Variants in ATP2A3 observed in about 807,000 individuals in gnomAD.
The protein encoded by ATP2A3 is ATPase sarcoplasmic/endoplasmic reticulum Ca2+ transporting 3, also known as sarcoplasmic/endoplasmic reticulum calcium ATPase 3.
A neutral mutation model predicts 106.8 loss-of-function variants in ATP2A3; 61 were observed. The observed-to-expected ratio is 0.57, with a 90% confidence interval of 0.46 to 0.71. The LOEUF is 0.71. Ranked by LOEUF, ATP2A3 falls within the 30% of genes least tolerant of loss-of-function variation. The pLI is 0.00. For synonymous variants in ATP2A3, 611 were observed against 609.3 expected (o/e 1.00, Z -0.04); for missense variants, 1,201 against 1,423.5 (o/e 0.84, Z 2.52).
At chr17:3,938,018 G>T (rs144127295) in intron 14 of ATP2A3, among the ~76,000 whole-genome samples, 35 of 152,276 alleles carry the variant, frequency 2.3e-4, no homozygotes, top group African/African-American at 7.5e-4. Context: ...GGATGGCCCG[G>T]GTAAAGAGCC....
chr17:3,928,334 G>A lies in ATP2A3; in HGVS notation c.2980+329C>T, dbSNP rs374833499. 2.1e-4 allele frequency: 340 copies of A among 1,612,344 alleles called. 5 individuals carry two copies. In the South Asian group the frequency reaches 3.0e-3, roughly 14 times the overall value. On this transcript the variant is annotated intron_variant, in intron 20 of 20. Transcript: ENST00000397041. This position sits in a 1 kb window ranked among gnomAD's most constrained non-coding sequence, Gnocchi z 6.1. Reference sequence around the variant, plus strand: ...AGGCCTGGATAAAGACAGGCTGGGTGCAGAGGGGTCAGAGGCTGAGGCCCA... The same window carrying A: ...AGGCCTGGATAAAGACAGGCTGGGTACAGAGGGGTCAGAGGCTGAGGCCCA...
At chr17:3,939,758 GC>G (rs150857983) in intron 14 of ATP2A3, among the ~76,000 whole-genome samples, 1 of 132,270 alleles carries the variant, frequency 7.6e-6, no homozygotes, top group Admixed American at 8.5e-5. Flanking sequence ...CTGCGCTCCA[GC>G]CCTGGGTGAC....
intron 1 of ATP2A3, among the ~76,000 whole-genome samples, chr17:3,957,958 CCTGG>C (rs2054877268): frequency 6.6e-6 from 1 of 151,376 alleles, no homozygotes; most frequent in African/African-American, 2.4e-5. Flanking sequence ...GTGACCCCTG[CCTGG>C]CTCATGTTGC....
Position 3,936,309 on chromosome 17 carries a change from G to GGGCTTCTCGGGGGCTCCGGGGC in ATP2A3, c.2460_2481dup (p.Leu828AlafsTer39). 1 of 1,614,134 alleles carries GGGCTTCTCGGGGGCTCCGGGGC rather than the reference G, an allele frequency of 6.2e-7. No individual in the cohort carries two copies. Among genetic ancestry groups the GGGCTTCTCGGGGGCTCCGGGGC allele is most frequent in the Non-Finnish European group, 8.5e-7 (1 of 1,180,022 alleles). ...CGGAAGAAGAGCCAGCCACTGATGA[G>GGGCTTCTCGGGGGCTCCGGGGC]GGCTTCTCGGGGGCTCCGGGGCAGC... On this transcript the variant is annotated frameshift_variant, in exon 16 of 21. Coordinates refer to ENST00000397041, the MANE Select transcript of ATP2A3 (RefSeq NM_005173.4). LOFTEE classifies it high-confidence loss of function. The surrounding 1 kb of genome is among the most constrained non-coding windows in gnomAD (Gnocchi z 5.4).
rs1295553606 is a variant in ATP2A3, at chr17:3,924,808, A to T, written c.*614T>A. The T allele has an allele frequency of 2.2e-6, 1 of 456,490 alleles. No homozygotes were observed. Among genetic ancestry groups the T allele is most frequent in the African/African-American group, 2.0e-5 (1 of 50,048 alleles). The allele number at this position is 456,490 out of a possible 1,614,324, so 28.3% of individuals were successfully genotyped here. A position where few individuals can be genotyped will look rare whatever the true frequency, so the allele number is the denominator to read the frequency against. ...CCCTTCACCCGCCCGGGCCCTGCAC[A>T]TATAAACAGAAGCAGCCTCGAGCTC... On this transcript the variant is annotated 3_prime_UTR_variant, in exon 21 of 21. Coordinates refer to ENST00000397041, the MANE Select transcript of ATP2A3 (RefSeq NM_005173.4). This position sits in a 1 kb window ranked among gnomAD's most constrained non-coding sequence, Gnocchi z 6.4.
rs531606034 is a variant in ATP2A3 at position 3,926,284 on chromosome 17, G to A, written c.2981-843C>T. 8.5e-5 allele frequency among the ~76,000 whole-genome samples: 13 copies of A among 152,288 alleles called. No homozygotes were observed. The South Asian group carries it at 2.1e-3, about 24-fold the overall frequency. ...AGGGTCCCTCTCTCACCCCCGCCCC[G>A]TCTGGCTTTAGGAGGCCCCAGGGAC... On this transcript the variant is annotated intron_variant, in intron 20 of 20. Coordinates refer to ENST00000397041, the MANE Select transcript of ATP2A3 (RefSeq NM_005173.4). This position sits in a 1 kb window ranked among gnomAD's most constrained non-coding sequence, Gnocchi z 4.6.
In ATP2A3 at chr17:3,947,253, T is replaced by G; in HGVS notation, c.1095+138A>C. On this transcript the variant is annotated intron_variant, in intron 8 of 20. Transcript: ENST00000397041. This position sits in a 1 kb window ranked among gnomAD's most constrained non-coding sequence, Gnocchi z 7.7. ...GTCTCCCTGTCATCTTGTGAAAACCTGGACCTGCTCTGGGCCAAGGGACAG... is the reference window on the plus strand; with the variant it reads ...GTCTCCCTGTCATCTTGTGAAAACCGGGACCTGCTCTGGGCCAAGGGACAG... 9.4e-7 allele frequency: 1 copy of G among 1,063,062 alleles called. No homozygotes were observed. The highest frequency in any genetic ancestry group is 1.4e-5 in the South Asian group (1 of 73,742). The allele number at this position is 1,063,062 out of a possible 1,614,324, so 65.9% of individuals were successfully genotyped here.
chr17:3,957,686 G>A (rs1304874556), intron 1 of ATP2A3, among the ~76,000 whole-genome samples: 1 of 152,218 alleles, frequency 6.6e-6, no homozygotes, highest in East Asian at 1.9e-4. Flanking sequence ...CCCTACCCCA[G>A]GCATTCCTGG....
chr17:3,928,158 G>T lies in ATP2A3; in HGVS notation c.2980+505C>A. The T allele has an allele frequency of 6.2e-7, 1 of 1,602,088 alleles. No individual in the cohort carries two copies. Among genetic ancestry groups the T allele is most frequent in the South Asian group, 1.1e-5 (1 of 90,766 alleles). ...CTGCCATCCTGTCCTCTCCACTCCG[G>T]GGTTAAGGCAGACCCAGAGCTGTGA... is the stretch of plus-strand genomic sequence containing the variant. On this transcript the variant is annotated intron_variant, in intron 20 of 20. Transcript: ENST00000397041. This position sits in a 1 kb window ranked among gnomAD's most constrained non-coding sequence, Gnocchi z 6.1.
At chr17:3,959,701 C>T (rs1355742064) in intron 1 of ATP2A3, among the ~76,000 whole-genome samples, 1 of 152,204 alleles carries the variant, frequency 6.6e-6, no homozygotes, top group South Asian at 2.1e-4. Flanking sequence ...AGGAAGAGGC[C>T]CTGGCTGGGC....
chr17:3,940,648 C>T (rs1040657640), intron 14 of ATP2A3, among the ~76,000 whole-genome samples: 22 of 152,088 alleles, frequency 1.4e-4, no homozygotes, highest in Admixed American at 3.3e-4. Context: ...GCTGGGGTTA[C>T]AGGAATGCAC....
intron 4 of ATP2A3, 35 bp downstream of exon 4, chr17:3,951,546 G>GCCCCCCC: frequency 2.5e-4 from 334 of 1,319,320 alleles, no homozygotes; most frequent in Non-Finnish European, 3.3e-4. Flanking sequence ...CTGGGAGACC[G>GCCCCCCC]CCCCCCGCCC....
Position 3,941,137 on chromosome 17 carries a change from G to A in ATP2A3, c.1934C>T (p.Thr645Met), listed in dbSNP as rs373841113. ...ICRRLGIFGD[T>M]EDVAGKAYTG... ...GTAGGCCTTGCCCGCCACGTCTTCC[G>A]TGTCCCCAAAGATGCCAAGCCTGCG... Residue 645 changes from threonine (T) to methionine (M), a missense_variant, in exon 14 of 21, where the codon ACG (threonine) becomes ATG (methionine). Transcript: ENST00000397041. 2.2e-5 allele frequency: 35 copies of A among 1,613,974 alleles called. No homozygotes were observed. The highest frequency in any genetic ancestry group is 8.0e-5 in the African/African-American group (6 of 74,948).
chr17:3,961,474 A>C (rs2055133020), intron 1 of ATP2A3, among the ~76,000 whole-genome samples: 1 of 132,360 alleles, frequency 7.6e-6, no homozygotes, highest in Admixed American at 8.1e-5. Flanking sequence ...TGCGCTGCCG[A>C]GGCTCCCCAG....
At chr17:3,962,876 C>A (rs1043463813) in intron 1 of ATP2A3, among the ~76,000 whole-genome samples, 3 of 152,172 alleles carry the variant, frequency 2.0e-5, no homozygotes, top group African/African-American at 7.2e-5. Flanking sequence ...CCTGCGCCGG[C>A]CCTCGCCCCC....
chr17:3,944,984 A>C, intron 9 of ATP2A3, 76 bp downstream of exon 9: 2 of 1,316,766 alleles, frequency 1.5e-6, no homozygotes, highest in Non-Finnish European at 9.8e-7. Context: ...GGGGCCTCCC[A>C]CGGCCACCTC....
rs1392510813 is a variant in ATP2A3, at chr17:3,937,629, T to A, written c.2108A>T (p.Asp703Val). The A allele has an allele frequency of 1.2e-6, 2 of 1,613,770 alleles. No homozygotes were observed. The highest frequency in any genetic ancestry group is 1.7e-6 in the Non-Finnish European group (2 of 1,179,932). ...SFNEITAMTG[D>V]GVNDAPALKK... ...CAGGGCTGGTGCGTCGTTCACTCCATCGCCAGTCTGTGGGCCAGGTCAGGT... is the reference window on the plus strand; with the variant it reads ...CAGGGCTGGTGCGTCGTTCACTCCAACGCCAGTCTGTGGGCCAGGTCAGGT... Residue 703 changes from aspartate to valine, a missense_variant, in exon 15 of 21, where the codon GAT becomes GTT. Physicochemically the swap from Asp to Val is radical, Grantham distance 152. This residue lies in a region of ATP2A3 where 935 missense variants were observed against 1,176.7 expected (regional missense o/e 0.79). Transcript: ENST00000397041.
chr17:3,929,358 G>A lies in ATP2A3; in HGVS notation c.2832C>T (p.His944=), dbSNP rs2052910136. 6.4e-7 allele frequency: 1 copy of A among 1,559,810 alleles called. No individual in the cohort carries two copies. ...LVAVAMSMAL[H]FLILLVPPLP... ...GGGGCGGCACGAGCAGGATGAGGAA[G>A]TGCAGGGCCATGGACATGGCCACAG... Residue 944 remains histidine (H), a synonymous_variant, in exon 19 of 21, where the codon CAC becomes CAT. Coordinates refer to ENST00000397041, the MANE Select transcript of ATP2A3 (RefSeq NM_005173.4). This position sits in a 1 kb window ranked among gnomAD's most constrained non-coding sequence, Gnocchi z 4.3.
chr17:3,937,852 A>G (rs754882577), intron 14 of ATP2A3, among the ~76,000 whole-genome samples: 2 of 152,190 alleles, frequency 1.3e-5, no homozygotes, highest in Non-Finnish European at 1.5e-5. Flanking sequence ...GTTGGGGAGA[A>G]TATCAAGCAT....
Sources: gnomAD v4.1 joint callset for allele counts (sites outside exome capture counted in the v4.1 genomes callset) on GRCh38, gnomAD v4.1.1 for gene constraint, gnomAD v4.1.1 regional missense constraint, Gnocchi (gnomAD v3.1) non-coding constraint, MANE v1.5 for transcripts, NCBI Gene and HGNC (gene_info 2026-07-23, HGNC 2026-07-21) for gene names.